The following ABHD2 variants were observed in gnomAD, a reference collection of about 807,000 sequenced individuals.
ABHD2 encodes monoacylglycerol lipase ABHD2.
ABHD2 carries 20 observed loss-of-function variants against 48.1 expected under a neutral mutation model. The observed-to-expected ratio is 0.42, with a 90% confidence interval of 0.29 to 0.60. ABHD2 has a LOEUF of 0.60. Ranked by LOEUF, ABHD2 falls within the 20% of genes least tolerant of loss-of-function variation. The pLI is 0.24. For missense variants in ABHD2, 405 were observed against 550.9 expected, an observed-to-expected ratio of 0.74 and a Z score of 2.65; for synonymous variants, 209 against 214.2, an observed-to-expected ratio of 0.98 and a Z score of 0.21.
the ABHD2 span, among the ~76,000 whole-genome samples, chr15:89,068,758 T>G: frequency 1.0e-4 from 3 of 29,342 alleles, no homozygotes; most frequent in Non-Finnish European, 2.8e-4. Context: ...CTTCCTCTTT[T>G]TTTTTTTTTT....
At position 89,179,227 on chromosome 15, in the gene ABHD2, G is replaced by A. The variant is rs543881209; in HGVS notation, c.722+3232G>A. ...CCAGGGGCAGAAGCCCCTTACAGCA[G>A]GGGTCCCAACTGCTGTTAGGAACCA... On this transcript the variant is annotated intron_variant, in intron 6 of 10. Transcript: ENST00000352732. The surrounding 1 kb of genome is among the most constrained non-coding windows in gnomAD (Gnocchi z 4.3). Among the ~76,000 whole-genome samples, 4 of 152,366 alleles carry A rather than the reference G, an allele frequency of 2.6e-5. No individual in the cohort carries two copies. In the South Asian group the frequency reaches 8.3e-4, roughly 32 times the overall value.
At chr15:89,101,836 T>G (rs538880536) in intron 1 of ABHD2, among the ~76,000 whole-genome samples, 15 of 152,300 alleles carry the variant, frequency 9.8e-5, no homozygotes, top group African/African-American at 3.4e-4. Context: ...ATCAAGGGCT[T>G]GCAGTGGGGC....
the ABHD2 span, among the ~76,000 whole-genome samples, chr15:89,058,379 G>C: frequency 6.6e-6 from 1 of 152,214 alleles, no homozygotes; most frequent in Non-Finnish European, 1.5e-5. Flanking sequence ...AACACAGGTA[G>C]TGAGGTCCAC....
intron 4 of ABHD2, among the ~76,000 whole-genome samples, chr15:89,153,747 A>C (rs2050629076): frequency 6.6e-6 from 1 of 152,236 alleles, no homozygotes; most frequent in Admixed American, 6.5e-5. Flanking sequence ...CATTTAAAAA[A>C]TAAGAATCAC....
chr15:89,170,080 CTTTTTTTTTTTTTTTT>C (rs748983183), intron 5 of ABHD2, among the ~76,000 whole-genome samples: 23 of 37,500 alleles, frequency 6.1e-4, no homozygotes, highest in Non-Finnish European at 7.6e-4. Context: ...AGATCAGATT[CTTTTTTTTTTTTTTTT>C]TTTTTTTTTT....
At chr15:89,118,596 G>C (rs896371598) in intron 3 of ABHD2, among the ~76,000 whole-genome samples, 1 of 152,108 alleles carries the variant, frequency 6.6e-6, no homozygotes, top group Non-Finnish European at 1.5e-5. Context: ...CATTCTTAGA[G>C]AGCTCTTGAA....
chr15:89,075,921 A>G, the ABHD2 span, among the ~76,000 whole-genome samples: 1 of 152,220 alleles, frequency 6.6e-6, no homozygotes. The surrounding 1 kb of genome is among the most constrained non-coding windows in gnomAD (Gnocchi z 4.1). Flanking sequence ...TCAAGTAAAG[A>G]AGAACTGAAA....
rs543373244 is a variant in ABHD2 at position 89,168,637 on chromosome 15, C to T, written c.539-7175C>T. On this transcript the variant is annotated intron_variant, in intron 5 of 10. Coordinates refer to ENST00000352732, the MANE Select transcript of ABHD2 (RefSeq NM_152924.5). This position sits in a 1 kb window ranked among gnomAD's most constrained non-coding sequence, Gnocchi z 4.8. Reference sequence around the variant, plus strand: ...TTTGGATTTAATTAAATTGAGGCTCCCAAAGTGCCTACACAATTAGCTGTA... The same window carrying T: ...TTTGGATTTAATTAAATTGAGGCTCTCAAAGTGCCTACACAATTAGCTGTA... Among the ~76,000 whole-genome samples, 65 of 152,326 alleles carry T rather than the reference C, an allele frequency of 4.3e-4. 1 individual carries two copies. The highest frequency in any genetic ancestry group is 1.6e-3 in the African/African-American group (65 of 41,558).
Position 89,146,354 on chromosome 15 carries a change from A to C in ABHD2, c.195-5323A>C, listed in dbSNP as rs1209156799. ...GTGAGCTTCATCTGCTCAAAGACGT[A>C]CGTGTGTGTGTGTGTGTGTGTGTGT... On this transcript the variant is annotated intron_variant, in intron 3 of 10. Coordinates refer to ENST00000352732, the MANE Select transcript of ABHD2 (RefSeq NM_152924.5). The surrounding 1 kb of genome is among the most constrained non-coding windows in gnomAD (Gnocchi z 4.2). Among the ~76,000 whole-genome samples, 1 of 84,444 alleles carries C rather than the reference A, an allele frequency of 1.2e-5. No individual in the cohort carries two copies. Among genetic ancestry groups the C allele is most frequent in the Non-Finnish European group, 2.3e-5 (1 of 43,762 alleles). 55.4% of individuals were successfully genotyped at this position (84,444 alleles called of 152,430 possible). A position where few individuals can be genotyped will look rare whatever the true frequency, so the allele number is the denominator to read the frequency against.
At chr15:89,128,305 C>T (rs1015199162) in intron 3 of ABHD2, among the ~76,000 whole-genome samples, 5 of 152,200 alleles carry the variant, frequency 3.3e-5, no homozygotes, top group African/African-American at 4.8e-5. Context: ...GAGCATGAAC[C>T]AGTAAAATCA....
the ABHD2 span, among the ~76,000 whole-genome samples, chr15:89,055,908 G>C: frequency 6.6e-6 from 1 of 152,254 alleles, no homozygotes; most frequent in East Asian, 1.9e-4. Flanking sequence ...CTGTCATCCA[G>C]GCTGGAGTGC....
At position 89,186,363 on chromosome 15, in the gene ABHD2, T is replaced by C. The variant is rs2051209922; in HGVS notation, c.815+847T>C. Among the ~76,000 whole-genome samples the C allele has an allele frequency of 6.6e-6, 1 of 152,212 alleles. No individual in the cohort carries two copies. The highest frequency in any genetic ancestry group is 1.5e-5 in the Non-Finnish European group (1 of 68,038). Reference sequence around the variant, plus strand: ...GTTATGCATAGCACCAGATAAATATTAGCAATGACTTTTTCATTATGATTA... The same window carrying C: ...GTTATGCATAGCACCAGATAAATATCAGCAATGACTTTTTCATTATGATTA... On this transcript the variant is annotated intron_variant, in intron 7 of 10. Transcript: ENST00000352732. The surrounding 1 kb of genome is among the most constrained non-coding windows in gnomAD (Gnocchi z 4.3).
chr15:89,108,033 G>A (rs191915310), intron 1 of ABHD2, among the ~76,000 whole-genome samples: 1 of 152,330 alleles, frequency 6.6e-6, no homozygotes, highest in Admixed American at 6.5e-5. Context: ...GAAGTCATCT[G>A]TGGGTGTTCA....
At chr15:89,042,448 G>A in the ABHD2 span, among the ~76,000 whole-genome samples, 1 of 152,008 alleles carries the variant, frequency 6.6e-6, no homozygotes, top group Non-Finnish European at 1.5e-5. Flanking sequence ...CATCATTCCT[G>A]CCTTCCCTCC....
At chr15:89,108,850 G>T (rs1339224100) in intron 1 of ABHD2, among the ~76,000 whole-genome samples, 1 of 152,202 alleles carries the variant, frequency 6.6e-6, no homozygotes, top group Non-Finnish European at 1.5e-5. Context: ...GCCGTTTTCT[G>T]TTACAAAGTA....
In ABHD2 at chr15:89,196,558, C is replaced by T. The variant is rs752858736; in HGVS notation, c.*1135C>T. 5.3e-5 allele frequency: 8 copies of T among 152,062 alleles called. No homozygotes were observed. The highest frequency in any genetic ancestry group is 1.0e-4 in the Non-Finnish European group (7 of 68,014). The allele number at this position is 152,062 out of a possible 1,614,324, so 9.4% of individuals were successfully genotyped here. A position where few individuals can be genotyped will look rare whatever the true frequency, so the allele number is the denominator to read the frequency against. The stretch of plus-strand genomic sequence containing the variant: ...CCCAGTCTAAGCATGTAGATATCAT[C>T]GTTTGCCTTTTGTGTGTGTGTGTCC... On this transcript the variant is annotated 3_prime_UTR_variant, in exon 11 of 11. Coordinates refer to ENST00000352732, the MANE Select transcript of ABHD2 (RefSeq NM_152924.5).
At chr15:89,064,329 C>T in the ABHD2 span, among the ~76,000 whole-genome samples, 61 of 151,056 alleles carry the variant, frequency 4.0e-4, 2 homozygotes, top group Non-Finnish European at 1.2e-4. Flanking sequence ...AAGCGATTCT[C>T]CTGCCTCAGC....
chr15:89,181,246 A>AAAAG (rs1212615698), intron 6 of ABHD2, among the ~76,000 whole-genome samples: 1 of 151,646 alleles, frequency 6.6e-6, no homozygotes, highest in Admixed American at 6.6e-5. Context: ...AAAAAAAAAA[A>AAAAG]AAAACAAGAT....
At position 89,195,199 on chromosome 15, in the gene ABHD2, A is replaced by G; in HGVS notation, c.1082-28A>G. On this transcript the variant is annotated intron_variant, in intron 10 of 10. Coordinates refer to ENST00000352732, the MANE Select transcript of ABHD2 (RefSeq NM_152924.5). The surrounding 1 kb of genome is among the most constrained non-coding windows in gnomAD (Gnocchi z 5.1). ...GTCCTGGAGCAAACTAGAGAACAGT[A>G]ACTCACTCAGCTGCGTTTCCCCTGC... 6.2e-7 allele frequency: 1 copy of G among 1,603,250 alleles called. No homozygotes were observed. The highest frequency in any genetic ancestry group is 8.5e-7 in the Non-Finnish European group (1 of 1,173,832).
Sources: allele counts gnomAD v4.1 joint callset (sites outside exome capture counted in the v4.1 genomes callset), GRCh38; gene constraint gnomAD v4.1.1; non-coding constraint Gnocchi (gnomAD v3.1); transcripts MANE v1.5; gene names NCBI Gene and HGNC (gene_info 2026-07-23, HGNC 2026-07-21).